The following BPHL variants were observed in gnomAD, a reference collection of about 807,000 sequenced individuals.
BPHL encodes biphenyl hydrolase like.
In BPHL, 27 loss-of-function variants were observed where a neutral mutation model predicts 31.2. The observed-to-expected ratio is 0.87, with a 90% CI of 0.64 to 1.19. The LOEUF is 1.19. BPHL is among the 50% of genes most tolerant of loss of function. BPHL has a pLI of 0.00. For missense variants in BPHL, 356 were observed against 375.7 expected (o/e 0.95, Z 0.43); for synonymous variants, 150 against 146.8 (o/e 1.02, Z -0.16).
chr6:3,121,207 C>A (rs1174617575), intron 1 of BPHL, among the ~76,000 whole-genome samples: 1 of 149,424 alleles, frequency 6.7e-6, no homozygotes, highest in African/African-American at 2.5e-5. Flanking sequence ...CTGAAGGTAG[C>A]AAATACTTTA....
At chr6:3,147,763 A>G (rs187752950) in intron 6 of BPHL, among the ~76,000 whole-genome samples, 2 of 152,202 alleles carry the variant, frequency 1.3e-5, no homozygotes, top group Non-Finnish European at 1.5e-5. Context: ...GACCCAGGAG[A>G]GCTAAAGGTG....
chr6:3,152,462 C>G (rs761511908), intron 6 of BPHL, 26 bp from the exon 7 acceptor site: 1 of 1,608,620 alleles, frequency 6.2e-7, no homozygotes, highest in Non-Finnish European at 8.5e-7. Flanking sequence ...GCCATTGACC[C>G]AAAGTATTTT....
At chr6:3,123,942 A>G in intron 2 of BPHL, 182 bp downstream of exon 2, 1 of 467,562 alleles carries the variant, frequency 2.1e-6, no homozygotes, top group South Asian at 2.9e-5. Flanking sequence ...TCAGAATTGG[A>G]TTTTTTATTC....
rs1279866679 is a variant in BPHL, at chr6:3,149,301, T to C, written c.789-3187T>C. ...GCTTTCCTGCAGTCCAGGGCCCGAC[T>C]AGGTCCCCACAGTCACAGCAGATTT... On this transcript the variant is annotated intron_variant, in intron 6 of 6. Coordinates refer to ENST00000380379, the MANE Select transcript of BPHL (RefSeq NM_004332.4). The surrounding 1 kb of genome is among the most constrained non-coding windows in gnomAD (Gnocchi z 4.6). 6.6e-6 allele frequency among the ~76,000 whole-genome samples: 1 copy of C among 152,170 alleles called. No individual in the cohort carries two copies. Among genetic ancestry groups the C allele is most frequent in the Admixed American group, 6.5e-5 (1 of 15,290 alleles).
chr6:3,129,257 C>T, intron 4 of BPHL, 59 bp downstream of exon 4: 5 of 1,480,508 alleles, frequency 3.4e-6, no homozygotes, highest in Non-Finnish European at 3.6e-6. Flanking sequence ...CTCCGCATCT[C>T]ATCTCTTATT....
At chr6:3,145,379 G>A (rs1399530324) in intron 6 of BPHL, among the ~76,000 whole-genome samples, 5 of 61,990 alleles carry the variant, frequency 8.1e-5, no homozygotes, top group Admixed American at 2.7e-4. Flanking sequence ...GTGCTGGTTC[G>A]GGGTGGAGTG....
chr6:3,149,457 G>A lies in BPHL; in HGVS notation c.789-3031G>A, dbSNP rs1762464957. Among the ~76,000 whole-genome samples the A allele has an allele frequency of 6.6e-6, 1 of 152,142 alleles. No homozygotes were observed. ...CGGGGCAGTTTTGCTTCTAATGCTTGTGTCTAATGCTTGAGACATGGTTGC... is the reference window on the plus strand; with the variant it reads ...CGGGGCAGTTTTGCTTCTAATGCTTATGTCTAATGCTTGAGACATGGTTGC... On this transcript the variant is annotated intron_variant, in intron 6 of 6. Coordinates refer to ENST00000380379, the MANE Select transcript of BPHL (RefSeq NM_004332.4). The surrounding 1 kb of genome is among the most constrained non-coding windows in gnomAD (Gnocchi z 4.6).
In BPHL at chr6:3,145,683, G is replaced by GA. The variant is rs1311273706; in HGVS notation, c.788+5174_788+5175insA. Among the ~76,000 whole-genome samples, 2 of 70,604 alleles carry GA rather than the reference G, an allele frequency of 2.8e-5. 1 individual carries two copies. Among genetic ancestry groups the GA allele is most frequent in the Non-Finnish European group, 6.8e-5 (2 of 29,340 alleles). 46.3% of individuals were successfully genotyped at this position (70,604 alleles called of 152,430 possible). ...CTGGTTTGGGTCGGAGTGCTGGTTT[G>GA]GGTCGAGTGCTGGTTCAGGTTGGAG... On this transcript the variant is annotated intron_variant, in intron 6 of 6. Transcript: ENST00000380379.
chr6:3,144,384 T>TG (rs57886050), intron 6 of BPHL, among the ~76,000 whole-genome samples: 70,273 of 132,564 alleles, frequency 0.53, 18,399 homozygotes, highest in Non-Finnish European at 0.63. Context: ...TTTTTTTTTT[T>TG]TTTTTTGTTT....
intron 6 of BPHL, among the ~76,000 whole-genome samples, chr6:3,143,221 A>AAAAC (rs57948436): frequency 0.025 from 3,732 of 152,170 alleles, 161 homozygotes; most frequent in African/African-American, 0.085. Context: ...CCCTCTCTGA[A>AAAAC]AAACAAACAA....
Position 3,140,364 on chromosome 6 carries a change from C to G in BPHL, c.665-22C>G, listed in dbSNP as rs750500293. 3.1e-6 allele frequency: 5 copies of G among 1,613,942 alleles called. No homozygotes were observed. The highest frequency in any genetic ancestry group is 3.3e-5 in the Admixed American group (2 of 60,010). On this transcript the variant is annotated intron_variant, in intron 5 of 6. Transcript: ENST00000380379. The surrounding 1 kb of genome is among the most constrained non-coding windows in gnomAD (Gnocchi z 5.2). Reference sequence around the variant, plus strand: ...TAGAATGGTTGCACTAAAGCAGATTCCTCGTGCTGTGTATCCGTCAGGTAA... The same window carrying G: ...TAGAATGGTTGCACTAAAGCAGATTGCTCGTGCTGTGTATCCGTCAGGTAA...
intron 6 of BPHL, among the ~76,000 whole-genome samples, chr6:3,148,610 C>A (rs568529246): frequency 2.4e-4 from 37 of 152,362 alleles, no homozygotes; most frequent in African/African-American, 7.9e-4. Flanking sequence ...TTCCCCACCA[C>A]TGGCATCCCA....
chr6:3,128,327 T>G lies in BPHL; in HGVS notation c.379-718T>G, dbSNP rs1437250944. Among the ~76,000 whole-genome samples, 8 of 152,350 alleles carry G rather than the reference T, an allele frequency of 5.3e-5. No homozygotes were observed. In the East Asian group the frequency reaches 1.5e-3, roughly 29 times the overall value. On this transcript the variant is annotated intron_variant, in intron 3 of 6. Coordinates refer to ENST00000380379, the MANE Select transcript of BPHL (RefSeq NM_004332.4). Reference sequence around the variant, plus strand: ...CACATTTAGGAGACAATTTGCTAGGTGATGGAAGTTCCAGATGTTCATTTT... The same window carrying G: ...CACATTTAGGAGACAATTTGCTAGGGGATGGAAGTTCCAGATGTTCATTTT...
chr6:3,129,643 T>C (rs550512204), intron 4 of BPHL, among the ~76,000 whole-genome samples: 39 of 152,212 alleles, frequency 2.6e-4, no homozygotes, highest in African/African-American at 9.4e-4. Flanking sequence ...CACTGCACTT[T>C]TGCCTGGGTG....
intron 6 of BPHL, among the ~76,000 whole-genome samples, chr6:3,146,413 G>GT (rs199977864): frequency 7.3e-6 from 1 of 137,056 alleles, no homozygotes; most frequent in Non-Finnish European, 1.6e-5. Flanking sequence ...GCTGGTTTGG[G>GT]TTGAGTGCTG....
chr6:3,137,416 T>TCTATGGGTATGA lies in BPHL; in HGVS notation c.591_602dup (p.Gly198_Tyr201dup). On this transcript the variant is annotated inframe_insertion, in exon 5 of 7. Transcript: ENST00000380379. ...AGAACAAGAAAGCCTCTAGAAGCCC[T>TCTATGGGTATGA]CTATGGGTATGACTACTTTGCCAGA... The TCTATGGGTATGA allele has an allele frequency of 6.2e-7, 1 of 1,612,900 alleles. No individual in the cohort carries two copies. Among genetic ancestry groups the TCTATGGGTATGA allele is most frequent in the Non-Finnish European group, 8.5e-7 (1 of 1,179,836 alleles).
chr6:3,137,341 G>A lies in BPHL; in HGVS notation c.533-21G>A, dbSNP rs376561247. On this transcript the variant is annotated intron_variant, in intron 4 of 6. Transcript: ENST00000380379. ...TTAGTATGAAATTAAACCTTTCTTC[G>A]CCTACACTTCTGTTTTTCAGGCATC... The A allele has an allele frequency of 3.9e-4, 623 of 1,610,212 alleles. 2 individuals carry two copies. The African/African-American group carries it at 7.3e-3, about 19-fold the overall frequency.
intron 4 of BPHL, among the ~76,000 whole-genome samples, chr6:3,135,428 G>C (rs954803513): frequency 1.3e-5 from 2 of 152,136 alleles, no homozygotes; most frequent in Non-Finnish European, 2.9e-5. Flanking sequence ...CTGTTTTTCA[G>C]ATTTTCTCCT....
chr6:3,145,400 TC>T (rs200242770), intron 6 of BPHL, among the ~76,000 whole-genome samples: 3 of 51,722 alleles, frequency 5.8e-5, no homozygotes, highest in Admixed American at 1.6e-4. Flanking sequence ...CTGGTTCGGG[TC>T]CGAGTGCTGG....
Sources: allele counts gnomAD v4.1 joint callset (sites outside exome capture counted in the v4.1 genomes callset), GRCh38; gene constraint gnomAD v4.1.1; non-coding constraint Gnocchi (gnomAD v3.1); transcripts MANE v1.5; gene names NCBI Gene and HGNC (gene_info 2026-07-23, HGNC 2026-07-21).